CDH18: variants seen among roughly 807,000 people sequenced by gnomAD.
CDH18 encodes the protein cadherin-18.
In CDH18, 31 loss-of-function variants were observed where a neutral mutation model predicts 67.9. That is an observed-to-expected ratio of 0.46 (90% confidence interval 0.34 to 0.62). CDH18 has a LOEUF of 0.62. Ranked by LOEUF, CDH18 falls within the 20% of genes least tolerant of loss-of-function variation. CDH18 has a pLI of 0.01. For synonymous variants in CDH18, 362 were observed against 347.2 expected, an observed-to-expected ratio of 1.04 and a Z score of -0.48; for missense variants, 890 against 975.5, an observed-to-expected ratio of 0.91 and a Z score of 1.17.
intron 3 of CDH18, among the ~76,000 whole-genome samples, chr5:19,813,824 T>G (rs1017634919): frequency 4.6e-5 from 7 of 152,136 alleles, no homozygotes; most frequent in African/African-American, 1.7e-4. Flanking sequence ...TTATTGACAC[T>G]AATGTGCCAA....
chr5:20,232,068 A>G (rs867060454), intron 2 of CDH18, among the ~76,000 whole-genome samples: 3 of 152,124 alleles, frequency 2.0e-5, no homozygotes, highest in South Asian at 2.1e-4. Flanking sequence ...AAGAGAAAAG[A>G]GCAAAACAAG....
At chr5:19,856,822 T>A (rs554430545) in intron 2 of CDH18, among the ~76,000 whole-genome samples, 1 of 152,168 alleles carries the variant, frequency 6.6e-6, no homozygotes, top group Admixed American at 6.5e-5. Flanking sequence ...TTCTGTTGTT[T>A]CGGCCACCCA....
chr5:20,003,553 C>A (rs942810465), intron 2 of CDH18, among the ~76,000 whole-genome samples: 9 of 152,052 alleles, frequency 5.9e-5, no homozygotes, highest in African/African-American at 1.9e-4. Context: ...CTACAACCTC[C>A]TTTTCTCCTC....
intron 2 of CDH18, among the ~76,000 whole-genome samples, chr5:20,226,475 T>C (rs1741638783): frequency 6.6e-6 from 1 of 152,142 alleles, no homozygotes; most frequent in African/African-American, 2.4e-5. Flanking sequence ...ACAGATTCAT[T>C]GCAATTAGAA....
At chr5:19,680,067 G>C (rs1015569875) in intron 5 of CDH18, among the ~76,000 whole-genome samples, 1 of 152,004 alleles carries the variant, frequency 6.6e-6, no homozygotes, top group Non-Finnish European at 1.5e-5. Flanking sequence ...AACCAAAACT[G>C]TATGGTAATG....
At chr5:20,232,651 T>C (rs1040727595) in intron 2 of CDH18, among the ~76,000 whole-genome samples, 10 of 152,110 alleles carry the variant, frequency 6.6e-5, no homozygotes, top group Non-Finnish European at 1.2e-4. Context: ...ATAAGTTATA[T>C]TGAGACAAAG....
At chr5:20,274,248 A>T (rs1745642317) in intron 1 of CDH18, among the ~76,000 whole-genome samples, 1 of 152,140 alleles carries the variant, frequency 6.6e-6, no homozygotes, top group Non-Finnish European at 1.5e-5. Context: ...AATATTTATG[A>T]ACAGAAGAAT....
intron 1 of CDH18, among the ~76,000 whole-genome samples, chr5:20,550,132 A>T (rs1238307588): frequency 6.6e-6 from 1 of 152,172 alleles, no homozygotes; most frequent in Non-Finnish European, 1.5e-5. Flanking sequence ...GTCACGTTTA[A>T]AGATTGAACT....
intron 2 of CDH18, among the ~76,000 whole-genome samples, chr5:19,917,060 C>T (rs1293549879): frequency 3.3e-5 from 5 of 152,168 alleles, no homozygotes; most frequent in Admixed American, 2.0e-4. Flanking sequence ...CATGTTTGAA[C>T]TCAACATACA....
At chr5:19,569,010 T>C (rs1740912243) in intron 8 of CDH18, among the ~76,000 whole-genome samples, 1 of 152,204 alleles carries the variant, frequency 6.6e-6, no homozygotes, top group African/African-American at 2.4e-5. Flanking sequence ...TCTTTGTCCT[T>C]GACCTCAATT....
intron 1 of CDH18, among the ~76,000 whole-genome samples, chr5:20,502,764 G>T (rs558655666): frequency 4.6e-5 from 7 of 152,176 alleles, no homozygotes; most frequent in African/African-American, 1.7e-4. Flanking sequence ...TATGGGACAG[G>T]CTTGACAAAC....
At position 20,117,345 on chromosome 5, in the gene CDH18, T is replaced by A. The variant is rs543602040; in HGVS notation, c.-517-125331A>T. On this transcript the variant is annotated intron_variant, in intron 2 of 14. Transcript: ENST00000507958. ...AAAGTATGCCAAGAAAAATGAAGTA[T>A]GACTAATTTCCCTTCAATTAATTCT... is the stretch of plus-strand genomic sequence containing the variant. Among the ~76,000 whole-genome samples the A allele has an allele frequency of 2.0e-5, 3 of 152,274 alleles. No homozygotes were observed. The East Asian group carries it at 5.8e-4, about 29-fold the overall frequency.
chr5:19,764,730 G>A lies in CDH18; in HGVS notation c.229-17494C>T, dbSNP rs185638800. On this transcript the variant is annotated intron_variant, in intron 3 of 12. Transcript: ENST00000382275. ...GTATATAGTTATTATCTTTTAAAAG[G>A]TTATGGGTTTTATTTGAGCCAGTTA... 7.4e-3 allele frequency among the ~76,000 whole-genome samples: 1,116 copies of A among 151,320 alleles called. 13 individuals are homozygous for A. Among genetic ancestry groups the A allele is most frequent in the Non-Finnish European group, 8.1e-3 (549 of 67,892 alleles).
chr5:19,917,720 GGTAGAGCATT>G (rs1791985437), intron 2 of CDH18, among the ~76,000 whole-genome samples: 1 of 152,114 alleles, frequency 6.6e-6, no homozygotes, highest in African/African-American at 2.4e-5. Flanking sequence ...ACTCTTCAAA[GGTAGAGCATT>G]GCATTATTTA....
chr5:20,330,187 A>T (rs1739032999), intron 1 of CDH18, among the ~76,000 whole-genome samples: 2 of 152,144 alleles, frequency 1.3e-5, no homozygotes, highest in Non-Finnish European at 2.9e-5. Context: ...ACTTTTTTCC[A>T]ATGGAAAATT....
intron 2 of CDH18, among the ~76,000 whole-genome samples, chr5:20,129,083 G>A (rs1365764550): frequency 6.6e-6 from 1 of 151,972 alleles, no homozygotes; most frequent in Non-Finnish European, 1.5e-5. Context: ...GTTCCTATAA[G>A]TAGCTTAAAG....
At chr5:19,692,702 A>C (rs1270401899) in intron 5 of CDH18, among the ~76,000 whole-genome samples, 1 of 152,030 alleles carries the variant, frequency 6.6e-6, no homozygotes, top group Non-Finnish European at 1.5e-5. Context: ...CCCAGTTAGA[A>C]TGGCTATTAT....
chr5:20,101,578 A>G (rs1374969127), intron 2 of CDH18, among the ~76,000 whole-genome samples: 2 of 152,192 alleles, frequency 1.3e-5, no homozygotes, highest in African/African-American at 4.8e-5. Context: ...AACATCATCA[A>G]CTAAGACTAT....
intron 1 of CDH18, among the ~76,000 whole-genome samples, chr5:20,470,783 T>A (rs1408721575): frequency 1.3e-5 from 2 of 152,172 alleles, no homozygotes; most frequent in African/African-American, 2.4e-5. Context: ...TGAGCTAGAT[T>A]ACAACTCTTA....
Sources: gnomAD v4.1 joint callset for allele counts (sites outside exome capture counted in the v4.1 genomes callset) on GRCh38, gnomAD v4.1.1 for gene constraint, MANE v1.5 for transcripts, NCBI Gene and HGNC (gene_info 2026-07-23, HGNC 2026-07-21) for gene names.